Variants in ANKRD44 observed in about 807,000 individuals in gnomAD.
The protein encoded by ANKRD44 is ankyrin repeat domain 44.
A neutral mutation model predicts 116.0 loss-of-function variants in ANKRD44; 35 were observed. The ratio of observed to expected loss-of-function variants is 0.30; its 90% CI spans 0.23 to 0.40. The LOEUF (loss-of-function observed/expected upper bound fraction) is 0.40. Among genes scored for constraint, ANKRD44 ranks in the 10% least tolerant of loss-of-function variants. ANKRD44 has a pLI of 1.00. For synonymous variants in ANKRD44, 435 were observed against 461.8 expected, an observed-to-expected ratio of 0.94 and a Z score of 0.74; for missense variants, 1,014 against 1,242.6, an observed-to-expected ratio of 0.82 and a Z score of 2.77.
intron 21 of ANKRD44, among the ~76,000 whole-genome samples, chr2:196,981,105 T>C (rs555447747): frequency 1.6e-4 from 24 of 152,222 alleles, no homozygotes; most frequent in Non-Finnish European, 3.2e-4. Context: ...ATCTTTACTT[T>C]GGGCACTCCA....
chr2:197,151,798 T>C (rs1278953737), intron 2 of ANKRD44, among the ~76,000 whole-genome samples: 1 of 152,142 alleles, frequency 6.6e-6, no homozygotes, highest in African/African-American at 2.4e-5. Context: ...ATAAAAACAA[T>C]AGCAGGGAAG....
chr2:196,975,995 G>T (rs943901434), intron 21 of ANKRD44, among the ~76,000 whole-genome samples: 5 of 151,694 alleles, frequency 3.3e-5, no homozygotes, highest in African/African-American at 1.2e-4. Context: ...GATCAAGTAG[G>T]ATTTATCCTA....
chr2:197,290,721 AAATTT>A (rs138099033), intron 1 of ANKRD44, among the ~76,000 whole-genome samples: 3 of 152,314 alleles, frequency 2.0e-5, no homozygotes, highest in Non-Finnish European at 2.9e-5. Flanking sequence ...CTCAATCCAG[AAATTT>A]ATTTAACTCT....
intron 13 of ANKRD44, among the ~76,000 whole-genome samples, chr2:197,085,793 ACTTTCTCAATAAACT>A (rs1379537407): frequency 4.6e-5 from 7 of 152,288 alleles, no homozygotes; most frequent in African/African-American, 1.4e-4. Flanking sequence ...TTACTTCTTT[ACTTTCTCAATAAACT>A]TGCTTTCACT....
At chr2:197,114,975 C>T (rs11888550) in intron 8 of ANKRD44, among the ~76,000 whole-genome samples, 9,322 of 152,238 alleles carry the variant, frequency 0.061, 966 homozygotes, top group African/African-American at 0.21. Context: ...TAAGTACCGT[C>T]CCTATCACTG....
chr2:197,274,018 T>TATATATATAG (rs2083002743), intron 1 of ANKRD44, among the ~76,000 whole-genome samples: 4 of 71,016 alleles, frequency 5.6e-5, no homozygotes, highest in South Asian at 1.0e-3. Context: ...TATATATATA[T>TATATATATAG]ATATATATAT....
chr2:197,269,043 A>T (rs2082817705), intron 1 of ANKRD44, among the ~76,000 whole-genome samples: 1 of 151,288 alleles, frequency 6.6e-6, no homozygotes, highest in Non-Finnish European at 1.5e-5. Flanking sequence ...CAACATTTCC[A>T]TGAAAAGCCA....
At chr2:197,186,641 T>G (rs1478634333) in intron 2 of ANKRD44, among the ~76,000 whole-genome samples, 1 of 124,688 alleles carries the variant, frequency 8.0e-6, no homozygotes, top group African/African-American at 3.6e-5. Flanking sequence ...TTTTTTTTTT[T>G]TTTTTTAGAG....
In ANKRD44 at chr2:197,068,153, T is replaced by G. The variant is rs1265725835; in HGVS notation, c.1650+10550A>C. Among the ~76,000 whole-genome samples, 4 of 113,422 alleles carry G rather than the reference T, an allele frequency of 3.5e-5. No homozygotes were observed. The East Asian group carries it at 1.0e-3, about 29-fold the overall frequency. The allele number at this position is 113,422 out of a possible 152,430, so 74.4% of individuals were successfully genotyped here. On this transcript the variant is annotated intron_variant, in intron 16 of 27. Coordinates refer to ENST00000282272, the MANE Select transcript of ANKRD44 (RefSeq NM_001195144.2). Reference sequence around the variant, plus strand: ...GCATATTCTCACTCATAGGTGGGAATTGAACAATGAGATCACATGGACACA... The same window carrying G: ...GCATATTCTCACTCATAGGTGGGAAGTGAACAATGAGATCACATGGACACA...
At chr2:197,151,850 G>A (rs750651911) in intron 2 of ANKRD44, among the ~76,000 whole-genome samples, 50 of 152,092 alleles carry the variant, frequency 3.3e-4, no homozygotes, top group Non-Finnish European at 6.6e-4. Flanking sequence ...ATTTGTGAAC[G>A]TATCAAATGC....
intron 10 of ANKRD44, 147 bp downstream of exon 10, chr2:197,099,668 AT>A (rs2078243476): frequency 3.0e-5 from 40 of 1,324,892 alleles, no homozygotes; most frequent in Non-Finnish European, 3.9e-5. Flanking sequence ...AAGGCACTTA[AT>A]TTATTTAAAA....
intron 1 of ANKRD44, among the ~76,000 whole-genome samples, chr2:197,304,481 A>T (rs1014188781): frequency 1.3e-5 from 2 of 152,216 alleles, no homozygotes; most frequent in African/African-American, 2.4e-5. Flanking sequence ...ATTAGAGCTC[A>T]TCTGCAAATA....
intron 27 of ANKRD44, chr2:196,990,868 T>C: frequency 8.1e-7 from 1 of 1,232,464 alleles, no homozygotes; most frequent in Non-Finnish European, 1.0e-6. Context: ...GTAGCCAAAA[T>C]GAGGGCCAGG....
intron 27 of ANKRD44, chr2:196,989,981 T>C (rs1326926435): frequency 9.7e-7 from 1 of 1,034,944 alleles, no homozygotes; most frequent in Non-Finnish European, 1.2e-6. Context: ...ATTAGATAAA[T>C]TTGGGTTCAA....
intron 9 of ANKRD44, among the ~76,000 whole-genome samples, chr2:197,105,534 A>G (rs2078405393): frequency 1.3e-5 from 2 of 152,240 alleles, no homozygotes; most frequent in African/African-American, 4.8e-5. Flanking sequence ...CAAACTGCCA[A>G]TAAAAATTAT....
chr2:197,091,367 C>T (rs1437770035), intron 10 of ANKRD44, among the ~76,000 whole-genome samples: 2 of 152,204 alleles, frequency 1.3e-5, no homozygotes, highest in East Asian at 1.9e-4. Flanking sequence ...ACAAGGTACC[C>T]CTGTCTCAAG....
chr2:197,232,639 T>C (rs7560201), intron 1 of ANKRD44, among the ~76,000 whole-genome samples: 33,975 of 152,174 alleles, frequency 0.22, 4,065 homozygotes, highest in Middle Eastern at 0.32. Flanking sequence ...GGGAGATGAC[T>C]GTCAGCTACC....
chr2:197,000,156 T>C (rs2076088789), intron 23 of ANKRD44, among the ~76,000 whole-genome samples: 1 of 152,186 alleles, frequency 6.6e-6, no homozygotes, highest in African/African-American at 2.4e-5. Context: ...TATATGTGTA[T>C]ATATGTTTGT....
chr2:197,065,697 T>G (rs1204806577), intron 16 of ANKRD44, among the ~76,000 whole-genome samples: 1 of 152,134 alleles, frequency 6.6e-6, no homozygotes. Context: ...CTAGAAAATC[T>G]AGAAGAAATG....
Sources: gnomAD v4.1 joint callset for allele counts (sites outside exome capture counted in the v4.1 genomes callset) on GRCh38, gnomAD v4.1.1 for gene constraint, MANE v1.5 for transcripts, NCBI Gene and HGNC (gene_info 2026-07-23, HGNC 2026-07-21) for gene names.